The following NTRK2 variants were observed in gnomAD, a reference collection of about 807,000 sequenced individuals.
The protein encoded by NTRK2 is neurotrophic receptor tyrosine kinase 2, also known as BDNF/NT-3 growth factors receptor.
A neutral mutation model predicts 94.5 loss-of-function variants in NTRK2; 13 were observed. That is an observed-to-expected ratio of 0.14 (90% CI 0.09 to 0.22). NTRK2 has a LOEUF of 0.22. NTRK2 is among the 10% of genes least tolerant of loss of function. NTRK2 has a pLI of 1.00. For synonymous variants in NTRK2, 372 were observed against 407.4 expected (o/e 0.91, Z 1.05); for missense variants, 639 against 1,071.2 (o/e 0.60, Z 5.63).
chr9:84,741,807 C>A, intron 9 of NTRK2, 85 bp from the exon 10 acceptor site: 1 of 1,158,494 alleles, frequency 8.6e-7, no homozygotes, highest in South Asian at 1.3e-5. Flanking sequence ...CAGTGTATGT[C>A]TAGCTTATTT....
intron 12 of NTRK2, among the ~76,000 whole-genome samples, chr9:84,809,002 G>A (rs1194161031): frequency 1.3e-5 from 2 of 152,032 alleles, no homozygotes; most frequent in Non-Finnish European, 2.9e-5. Flanking sequence ...ATTACCACAT[G>A]GTCTATTTTG....
intron 17 of NTRK2, among the ~76,000 whole-genome samples, chr9:84,959,642 G>A (rs905832051): frequency 3.9e-5 from 6 of 152,220 alleles, no homozygotes; most frequent in Admixed American, 3.9e-4. Flanking sequence ...ATTGAAACCA[G>A]CCCAACATGG....
At chr9:84,846,794 A>G (rs2074494349) in intron 12 of NTRK2, among the ~76,000 whole-genome samples, 1 of 152,056 alleles carries the variant, frequency 6.6e-6, no homozygotes, top group African/African-American at 2.4e-5. Context: ...CCAGCGTAAA[A>G]CTGCCCATCA....
chr9:84,821,154 T>C (rs1471876026), intron 12 of NTRK2, among the ~76,000 whole-genome samples: 3 of 152,216 alleles, frequency 2.0e-5, no homozygotes, highest in African/African-American at 7.2e-5. Flanking sequence ...TTTCTTCTCT[T>C]TTCTTTCAGT....
intron 9 of NTRK2, among the ~76,000 whole-genome samples, chr9:84,731,690 AC>A (rs2062900554): frequency 6.6e-6 from 1 of 152,008 alleles, no homozygotes; most frequent in Non-Finnish European, 1.5e-5. Flanking sequence ...TCTGTTCTCT[AC>A]TTGGAGGAAG....
intron 12 of NTRK2, among the ~76,000 whole-genome samples, chr9:84,769,678 A>G (rs2066345751): frequency 6.6e-6 from 1 of 152,212 alleles, no homozygotes; most frequent in Non-Finnish European, 1.5e-5. Context: ...GCTCTTTCCC[A>G]TGACTTCAGT....
At chr9:84,715,795 T>C (rs1375534481) in intron 6 of NTRK2, among the ~76,000 whole-genome samples, 1 of 152,194 alleles carries the variant, frequency 6.6e-6, no homozygotes, top group Admixed American at 6.5e-5. Context: ...TAATTTCTGC[T>C]CAATTCCTGC....
intron 12 of NTRK2, among the ~76,000 whole-genome samples, chr9:84,832,181 G>A (rs1423556906): frequency 6.6e-6 from 1 of 152,136 alleles, no homozygotes; most frequent in Admixed American, 6.5e-5. Flanking sequence ...GGCTTTCTTA[G>A]ATTCTTAATA....
intron 15 of NTRK2, among the ~76,000 whole-genome samples, chr9:84,947,884 C>A (rs2078652936): frequency 6.6e-6 from 1 of 152,176 alleles, no homozygotes; most frequent in Admixed American, 6.5e-5. Flanking sequence ...AGCTGTCATG[C>A]TCCTGGGCAT....
intron 14 of NTRK2, among the ~76,000 whole-genome samples, chr9:84,882,972 G>A (rs1013230302): frequency 1.3e-5 from 2 of 152,020 alleles, no homozygotes; most frequent in African/African-American, 4.8e-5. Flanking sequence ...TCACCATGTT[G>A]TCCAGGCTGG....
intron 14 of NTRK2, among the ~76,000 whole-genome samples, chr9:84,917,842 T>G (rs2132546304): frequency 6.6e-6 from 1 of 152,280 alleles, no homozygotes; most frequent in African/African-American, 2.4e-5. Flanking sequence ...AAAAATCCTG[T>G]TTGCATTGAT....
At chr9:84,673,530 G>A (rs1054870094) in intron 2 of NTRK2, among the ~76,000 whole-genome samples, 1 of 152,048 alleles carries the variant, frequency 6.6e-6, no homozygotes, top group Admixed American at 6.6e-5. Context: ...ACTGTGATTA[G>A]CAACACACAA....
intron 12 of NTRK2, among the ~76,000 whole-genome samples, chr9:84,850,811 C>T (rs910777237): frequency 4.0e-4 from 61 of 152,126 alleles, no homozygotes; most frequent in African/African-American, 1.2e-3. Context: ...AAAGAAATGA[C>T]GCTGTCAGAG....
intron 17 of NTRK2, among the ~76,000 whole-genome samples, chr9:84,972,794 A>G (rs1448682366): frequency 1.3e-5 from 2 of 152,244 alleles, no homozygotes; most frequent in Non-Finnish European, 2.9e-5. Flanking sequence ...CAAAGATTCC[A>G]TTGGTTTTAT....
intron 12 of NTRK2, among the ~76,000 whole-genome samples, chr9:84,754,037 A>G (rs2132527834): frequency 6.6e-6 from 1 of 152,326 alleles, no homozygotes; most frequent in Non-Finnish European, 1.5e-5. Context: ...TCAGAGAAGA[A>G]AATTATGTTG....
At chr9:84,933,370 T>C (rs1409427246) in intron 14 of NTRK2, among the ~76,000 whole-genome samples, 1 of 152,172 alleles carries the variant, frequency 6.6e-6, no homozygotes, top group Non-Finnish European at 1.5e-5. Flanking sequence ...GCCAATGAGC[T>C]TCTGAGGACC....
chr9:84,734,791 T>C (rs2063136667), intron 9 of NTRK2, among the ~76,000 whole-genome samples: 1 of 152,212 alleles, frequency 6.6e-6, no homozygotes, highest in Non-Finnish European at 1.5e-5. Context: ...CAATGAAACC[T>C]CTTTCCTTTA....
chr9:85,012,582 G>A (rs1320566214), intron 17 of NTRK2, among the ~76,000 whole-genome samples: 1 of 152,154 alleles, frequency 6.6e-6, no homozygotes, highest in Non-Finnish European at 1.5e-5. Context: ...TCTACTCTTT[G>A]CAACAATATT....
chr9:84,788,127 A>G (rs984625631), intron 12 of NTRK2, among the ~76,000 whole-genome samples: 12 of 152,236 alleles, frequency 7.9e-5, no homozygotes, highest in East Asian at 3.8e-4. Context: ...AGTAACATCC[A>G]ATAAGTATAT....
Sources: gnomAD v4.1 joint callset for allele counts (sites outside exome capture counted in the v4.1 genomes callset) on GRCh38, gnomAD v4.1.1 for gene constraint, MANE v1.5 for transcripts, NCBI Gene and HGNC (gene_info 2026-07-23, HGNC 2026-07-21) for gene names.